COP1: variants seen among roughly 807,000 people sequenced by gnomAD.
COP1 encodes the protein COP1 E3 ubiquitin ligase, also known as E3 ubiquitin-protein ligase COP1.
Under a neutral mutation model 101.3 loss-of-function variants are expected in COP1, and 24 were observed. The ratio of observed to expected loss-of-function variants is 0.24; its 90% CI spans 0.17 to 0.33. The LOEUF is 0.33. Among genes scored for constraint, COP1 ranks in the 10% least tolerant of loss-of-function variants. The pLI is 1.00. For synonymous variants in COP1, 347 were observed against 341.9 expected (o/e 1.01, Z -0.17); for missense variants, 663 against 906.2 (o/e 0.73, Z 3.45).
intron 11 of COP1, among the ~76,000 whole-genome samples, chr1:176,054,125 T>A (rs1353636518): frequency 6.6e-6 from 1 of 151,728 alleles, no homozygotes; most frequent in Non-Finnish European, 1.5e-5. Flanking sequence ...CTTCACAAAT[T>A]TCCCATACCT....
intron 5 of COP1, among the ~76,000 whole-genome samples, chr1:176,160,575 G>A (rs1694171455): frequency 2.0e-5 from 3 of 150,622 alleles, no homozygotes; most frequent in Admixed American, 2.0e-4. Context: ...AAATTTACAG[G>A]AAAAAAAATA....
intron 15 of COP1, among the ~76,000 whole-genome samples, chr1:176,009,705 A>G (rs2148942467): frequency 6.6e-6 from 1 of 152,304 alleles, no homozygotes; most frequent in East Asian, 1.9e-4. Flanking sequence ...TTATTATGCC[A>G]TCATATTGTT....
At chr1:176,183,151 T>G (rs12408191) in intron 2 of COP1, among the ~76,000 whole-genome samples, 1 of 152,150 alleles carries the variant, frequency 6.6e-6, no homozygotes, top group East Asian at 1.9e-4. Context: ...GCAGAGGGAA[T>G]ACACCTATCA....
intron 15 of COP1, among the ~76,000 whole-genome samples, chr1:175,997,543 A>C (rs1034343418): frequency 3.9e-5 from 6 of 152,160 alleles, no homozygotes; most frequent in African/African-American, 1.4e-4. Context: ...AACTCAAACA[A>C]ATTTACAAGA....
intron 15 of COP1, among the ~76,000 whole-genome samples, chr1:176,001,116 C>T (rs964830967): frequency 6.6e-6 from 1 of 152,004 alleles, no homozygotes; most frequent in Non-Finnish European, 1.5e-5. Flanking sequence ...ACTACCAAAG[C>T]GCATTTAATT....
At chr1:176,063,614 G>A (rs1675373836) in intron 11 of COP1, among the ~76,000 whole-genome samples, 1 of 152,138 alleles carries the variant, frequency 6.6e-6, no homozygotes, top group South Asian at 2.1e-4. Flanking sequence ...GAGAAGAAGA[G>A]GAGAGAATGT....
chr1:176,001,297 G>A lies in COP1; in HGVS notation c.1730-11818C>T, dbSNP rs150542083. On this transcript the variant is annotated intron_variant, in intron 15 of 19. Coordinates refer to ENST00000367669, the MANE Select transcript of COP1 (RefSeq NM_022457.7). ...CCTGGATTCATCGAATGAACCTCTA[G>A]GCATCAAGTATTTGAGTACGATGTT... Among the ~76,000 whole-genome samples, 400 of 152,182 alleles carry A rather than the reference G, an allele frequency of 2.6e-3. 3 individuals carry two copies. Among genetic ancestry groups the A allele is most frequent in the African/African-American group, 9.2e-3 (382 of 41,548 alleles).
chr1:176,152,106 C>T (rs149086959), intron 5 of COP1, among the ~76,000 whole-genome samples: 119 of 152,200 alleles, frequency 7.8e-4, no homozygotes, highest in African/African-American at 2.8e-3. Flanking sequence ...GCCTGGGCAA[C>T]ATGGCGACAC....
chr1:176,088,744 C>A (rs995358209), intron 9 of COP1, among the ~76,000 whole-genome samples: 3 of 151,950 alleles, frequency 2.0e-5, no homozygotes, highest in Non-Finnish European at 2.9e-5. Flanking sequence ...ACCTGTAATC[C>A]CAGCATTTTG....
At chr1:176,085,651 G>A (rs1188254977) in intron 10 of COP1, 125 bp downstream of exon 10, 4 of 488,256 alleles carry the variant, frequency 8.2e-6, no homozygotes, top group African/African-American at 3.8e-5. Context: ...TGATGATCTG[G>A]TAGACTATGT....
intron 15 of COP1, among the ~76,000 whole-genome samples, chr1:176,019,130 C>T (rs887791972): frequency 2.6e-5 from 4 of 151,780 alleles, no homozygotes; most frequent in Non-Finnish European, 5.9e-5. Context: ...TGCACCACTG[C>T]ACTCCAGCTT....
chr1:176,105,784 T>A (rs1038120425), intron 9 of COP1, among the ~76,000 whole-genome samples: 1 of 152,216 alleles, frequency 6.6e-6, no homozygotes, highest in Non-Finnish European at 1.5e-5. Flanking sequence ...GTAATAATAA[T>A]TGAATTCATG....
At chr1:176,113,959 T>TA (rs985873467) in intron 9 of COP1, among the ~76,000 whole-genome samples, 1 of 151,266 alleles carries the variant, frequency 6.6e-6, no homozygotes, top group Non-Finnish European at 1.5e-5. Context: ...TTTTTTTTTT[T>TA]TATAGTTTGC....
At chr1:176,010,615 A>C (rs1664491577) in intron 15 of COP1, among the ~76,000 whole-genome samples, 1 of 152,214 alleles carries the variant, frequency 6.6e-6, no homozygotes, top group Non-Finnish European at 1.5e-5. Flanking sequence ...TCAAAAGAAG[A>C]GGCACATGTT....
At chr1:176,173,930 T>C (rs2101898947) in intron 3 of COP1, among the ~76,000 whole-genome samples, 1 of 127,844 alleles carries the variant, frequency 7.8e-6, no homozygotes, top group Non-Finnish European at 1.5e-5. Flanking sequence ...GAGGCTGCAG[T>C]GAGCCGAGAT....
rs148333339 is a variant in COP1 at position 176,156,588 on chromosome 1, T to C, written c.762+6281A>G. ...TATAAGGACAATGACAGAACTAAAG[T>C]ACAAGCATGAAGAAGACTATACCAT... On this transcript the variant is annotated intron_variant, in intron 5 of 19. Coordinates refer to ENST00000367669, the MANE Select transcript of COP1 (RefSeq NM_022457.7). 7.9e-3 allele frequency among the ~76,000 whole-genome samples: 1,196 copies of C among 152,276 alleles called. 9 individuals carry two copies. Among genetic ancestry groups the C allele is most frequent in the Non-Finnish European group, 0.011 (754 of 68,008 alleles).
intron 3 of COP1, among the ~76,000 whole-genome samples, chr1:176,173,760 G>A (rs1417532551): frequency 6.6e-6 from 1 of 151,918 alleles, no homozygotes; most frequent in Admixed American, 6.6e-5. Flanking sequence ...GGCTGAGGCG[G>A]GAGGATCGCT....
chr1:176,066,822 A>G (rs1192707762), intron 11 of COP1, among the ~76,000 whole-genome samples: 1 of 152,194 alleles, frequency 6.6e-6, no homozygotes, highest in Non-Finnish European at 1.5e-5. Context: ...TCTCTAAACT[A>G]GAGTTTCTCT....
chr1:176,006,718 G>A (rs1425167676), intron 15 of COP1, among the ~76,000 whole-genome samples: 3 of 152,134 alleles, frequency 2.0e-5, no homozygotes, highest in African/African-American at 7.2e-5. Flanking sequence ...CGAGAGATCC[G>A]CTGTTAGTCT....
Sources: allele counts gnomAD v4.1 joint callset (sites outside exome capture counted in the v4.1 genomes callset), GRCh38; gene constraint gnomAD v4.1.1; transcripts MANE v1.5; gene names NCBI Gene and HGNC (gene_info 2026-07-23, HGNC 2026-07-21).